KCNB2: variants seen among roughly 807,000 people sequenced by gnomAD.
KCNB2 encodes potassium voltage-gated channel subfamily B member 2, also known as delayed rectifier potassium channel protein.
In KCNB2, 15 loss-of-function variants were observed where a neutral mutation model predicts 61.5. The ratio of observed to expected loss-of-function variants is 0.24; its 90% CI spans 0.16 to 0.38. The LOEUF (loss-of-function observed/expected upper bound fraction) is 0.38. Ranked by LOEUF, KCNB2 falls within the 10% of genes least tolerant of loss-of-function variation. The pLI, the probability that KCNB2 is intolerant of heterozygous loss-of-function variation, is 1.00. For synonymous variants in KCNB2, 457 were observed against 446.0 expected, an observed-to-expected ratio of 1.02 and a Z score of -0.31; for missense variants, 828 against 1,125.2, an observed-to-expected ratio of 0.74 and a Z score of 3.78.
At position 72,869,608 on chromosome 8, in the gene KCNB2, A is replaced by G. The variant is rs111911470; in HGVS notation, c.580-66327A>G. On this transcript the variant is annotated intron_variant, in intron 2 of 2. Coordinates refer to ENST00000523207, the MANE Select transcript of KCNB2 (RefSeq NM_004770.3). ...AACAGGTATATTAAAGATGCTCAAC[A>G]TCACTAATCATCAGGGAAATGCAAA... Among the ~76,000 whole-genome samples the G allele has an allele frequency of 7.4e-4, 113 of 152,326 alleles. 1 individual carries two copies. The highest frequency in any genetic ancestry group is 2.6e-3 in the African/African-American group (109 of 41,576).
chr8:72,710,972 G>C (rs939308738), intron 2 of KCNB2, among the ~76,000 whole-genome samples: 1 of 152,198 alleles, frequency 6.6e-6, no homozygotes, highest in Non-Finnish European at 1.5e-5. Context: ...AGTTATGCTA[G>C]TGACAAACAA....
chr8:72,671,440 T>A lies in KCNB2; in HGVS notation c.579+103127T>A, dbSNP rs114678912. Among the ~76,000 whole-genome samples, 303 of 152,314 alleles carry A rather than the reference T, an allele frequency of 2.0e-3. 1 individual carries two copies. Among genetic ancestry groups the A allele is most frequent in the African/African-American group, 6.9e-3 (288 of 41,566 alleles). On this transcript the variant is annotated intron_variant, in intron 2 of 2. Transcript: ENST00000523207. ...TGAACAACTACTCTGTATTAGGCAC[T>A]GTGTTGGGTTATTGCCTTGGAGTAC... is the stretch of plus-strand genomic sequence containing the variant.
intron 2 of KCNB2, among the ~76,000 whole-genome samples, chr8:72,629,012 C>T (rs933375385): frequency 6.6e-6 from 1 of 152,148 alleles, no homozygotes; most frequent in African/African-American, 2.4e-5. Flanking sequence ...GCTAATATAA[C>T]TGAGGAGTGT....
chr8:72,664,223 C>T (rs748500577), intron 2 of KCNB2, among the ~76,000 whole-genome samples: 8 of 152,158 alleles, frequency 5.3e-5, no homozygotes, highest in Non-Finnish European at 1.0e-4. Context: ...TACTCTGCAG[C>T]GCCCTCCCAG....
chr8:72,797,995 A>G (rs920470), intron 2 of KCNB2, among the ~76,000 whole-genome samples: 15,330 of 151,856 alleles, frequency 0.1, 1,052 homozygotes, highest in East Asian at 0.39. Flanking sequence ...TTCCTATCTC[A>G]TTTCTTTCCC....
chr8:72,766,969 C>T (rs1249364488), intron 2 of KCNB2, among the ~76,000 whole-genome samples: 2 of 152,064 alleles, frequency 1.3e-5, no homozygotes, highest in African/African-American at 2.4e-5. Flanking sequence ...TCTTACATGG[C>T]AGCAGCAAGA....
intron 2 of KCNB2, among the ~76,000 whole-genome samples, chr8:72,914,524 A>C (rs893496021): frequency 6.6e-6 from 1 of 152,160 alleles, no homozygotes; most frequent in Non-Finnish European, 1.5e-5. Context: ...GCAATAGTTT[A>C]TGTGGTTTGG....
intron 2 of KCNB2, among the ~76,000 whole-genome samples, chr8:72,570,368 G>A (rs966252656): frequency 6.6e-5 from 10 of 151,982 alleles, no homozygotes; most frequent in Non-Finnish European, 1.0e-4. Context: ...TTCCATACAG[G>A]ATTTATGTTT....
chr8:72,693,215 G>A (rs1282547604), intron 2 of KCNB2, among the ~76,000 whole-genome samples: 1 of 152,056 alleles, frequency 6.6e-6, no homozygotes, highest in Non-Finnish European at 1.5e-5. Context: ...TGATATGTGT[G>A]TCTCTGTGTT....
chr8:72,589,441 C>T (rs996184603), intron 2 of KCNB2, among the ~76,000 whole-genome samples: 1 of 152,168 alleles, frequency 6.6e-6, no homozygotes, highest in Non-Finnish European at 1.5e-5. Context: ...AGAACAGTGC[C>T]TCTCAATAGG....
intron 2 of KCNB2, among the ~76,000 whole-genome samples, chr8:72,856,230 C>T (rs1381045298): frequency 2.0e-5 from 3 of 152,078 alleles, no homozygotes; most frequent in Non-Finnish European, 4.4e-5. Context: ...ATATAGCCAA[C>T]ATATCATTTC....
rs200768823 is a variant in KCNB2, at chr8:72,537,360, T to A, written c.-619T>A. On this transcript the variant is annotated 5_prime_UTR_variant, in exon 1 of 3. Coordinates refer to ENST00000523207, the MANE Select transcript of KCNB2 (RefSeq NM_004770.3). ...CACACCCACCAAGCACCCACCGCCC[T>A]CCGCCCTCCGCCCTCCGCCCCCGCG... 0.51 allele frequency: 64,698 copies of A among 127,882 alleles called. 17,169 individuals are homozygous for A. The highest frequency in any genetic ancestry group is 0.63 in the Admixed American group (8,649 of 13,642). 7.9% of individuals were successfully genotyped at this position (127,882 alleles called of 1,614,324 possible).
intron 2 of KCNB2, among the ~76,000 whole-genome samples, chr8:72,836,985 C>T (rs1809793740): frequency 6.6e-6 from 1 of 152,166 alleles, no homozygotes; most frequent in South Asian, 2.1e-4. Flanking sequence ...TAAAGGTGGA[C>T]TTCAATAAAA....
intron 2 of KCNB2, among the ~76,000 whole-genome samples, chr8:72,787,157 CTG>C (rs906256279): frequency 6.6e-6 from 1 of 152,130 alleles, no homozygotes; most frequent in Non-Finnish European, 1.5e-5. Flanking sequence ...CATGAAAACA[CTG>C]AGATGAAAAC....
chr8:72,660,138 A>G (rs938179503), intron 2 of KCNB2, among the ~76,000 whole-genome samples: 2 of 152,160 alleles, frequency 1.3e-5, no homozygotes, highest in Non-Finnish European at 2.9e-5. Flanking sequence ...CATCAAAATT[A>G]TTTTCATCTT....
intron 2 of KCNB2, among the ~76,000 whole-genome samples, chr8:72,622,154 T>A (rs927417064): frequency 1.3e-5 from 2 of 152,228 alleles, no homozygotes; most frequent in Admixed American, 1.3e-4. Context: ...CCTTATGGAA[T>A]GTACACAGAA....
chr8:72,919,318 C>T (rs936724067), intron 2 of KCNB2, among the ~76,000 whole-genome samples: 1 of 152,132 alleles, frequency 6.6e-6, no homozygotes, highest in Non-Finnish European at 1.5e-5. Flanking sequence ...CAGTGGCCCC[C>T]ACAAGGCACA....
chr8:72,866,874 G>C (rs1481766629), intron 2 of KCNB2, among the ~76,000 whole-genome samples: 1 of 152,182 alleles, frequency 6.6e-6, no homozygotes, highest in East Asian at 1.9e-4. Context: ...TCAGGTGGAA[G>C]TGTCAGCCTC....
At chr8:72,769,419 A>C (rs1476048836) in intron 2 of KCNB2, among the ~76,000 whole-genome samples, 2 of 152,148 alleles carry the variant, frequency 1.3e-5, no homozygotes, top group Non-Finnish European at 2.9e-5. Context: ...TAAACAAACA[A>C]AAAAAATTGC....
Sources: allele counts gnomAD v4.1 joint callset (sites outside exome capture counted in the v4.1 genomes callset), GRCh38; gene constraint gnomAD v4.1.1; transcripts MANE v1.5; gene names NCBI Gene and HGNC (gene_info 2026-07-23, HGNC 2026-07-21).